The following CSMD1 variants were observed in gnomAD, a reference collection of about 807,000 sequenced individuals.
CSMD1 encodes the protein CUB and Sushi multiple domains 1, also known as CUB and sushi domain-containing protein 1.
A neutral mutation model predicts 417.5 loss-of-function variants in CSMD1; 213 were observed. That is an observed-to-expected ratio of 0.51 (90% confidence interval 0.46 to 0.57). The LOEUF is 0.57. CSMD1 is among the 20% of genes least tolerant of loss of function. The probability of loss-of-function intolerance (pLI) is 0.00; values close to 1 mark genes in which losing one functional copy is unlikely to be tolerated. For synonymous variants in CSMD1, 2,862 were observed against 1,736.8 expected, an observed-to-expected ratio of 1.65 and a Z score of -16.11; for missense variants, 6,923 against 4,529.7, an observed-to-expected ratio of 1.53 and a Z score of -15.17.
intron 40 of CSMD1, among the ~76,000 whole-genome samples, chr8:3,149,947 C>A (rs572344666): frequency 5.3e-5 from 8 of 152,174 alleles, no homozygotes; most frequent in Non-Finnish European, 8.8e-5. Flanking sequence ...CTTAAGAGCG[C>A]TAGTGCTGTG....
At chr8:3,579,823 G>A (rs971381400) in intron 9 of CSMD1, among the ~76,000 whole-genome samples, 1 of 152,174 alleles carries the variant, frequency 6.6e-6, no homozygotes, top group Non-Finnish European at 1.5e-5. Flanking sequence ...ATCACAGCAA[G>A]GCCAGTGTGG....
chr8:4,686,731 T>TG (rs1806409587), intron 1 of CSMD1, among the ~76,000 whole-genome samples: 1 of 152,196 alleles, frequency 6.6e-6, no homozygotes, highest in African/African-American at 2.4e-5. Flanking sequence ...TATTTTGTCA[T>TG]GGGGGCCTCA....
intron 12 of CSMD1, among the ~76,000 whole-genome samples, chr8:3,443,610 T>C (rs1403616387): frequency 6.6e-6 from 1 of 152,188 alleles, no homozygotes; most frequent in Non-Finnish European, 1.5e-5. Context: ...ACCTTCAAAT[T>C]ATACCTACCT....
chr8:3,359,444 C>T (rs1239122153), intron 20 of CSMD1, 104 bp from the exon 21 acceptor site: 2 of 704,730 alleles, frequency 2.8e-6, no homozygotes, highest in Non-Finnish European at 4.5e-6. Context: ...AAAAAAAAAA[C>T]CTACATATAT....
At chr8:4,748,044 T>G (rs1811068853) in intron 1 of CSMD1, among the ~76,000 whole-genome samples, 1 of 152,130 alleles carries the variant, frequency 6.6e-6, no homozygotes, top group Non-Finnish European at 1.5e-5. Context: ...GAAGTAGAAA[T>G]AAAAACAGGG....
chr8:4,375,933 G>C (rs1404289796), intron 3 of CSMD1, among the ~76,000 whole-genome samples: 1 of 152,142 alleles, frequency 6.6e-6, no homozygotes, highest in South Asian at 2.1e-4. Context: ...TCTTAGATGT[G>C]CAGAGAGTTT....
At chr8:4,002,429 A>T (rs753511659) in intron 4 of CSMD1, among the ~76,000 whole-genome samples, 1 of 152,240 alleles carries the variant, frequency 6.6e-6, no homozygotes, top group African/African-American at 2.4e-5. Flanking sequence ...TTTGATGAGC[A>T]AAACATTTTT....
rs750126628 is a variant in CSMD1 at position 4,637,438 on chromosome 8, C to G, written c.206G>C (p.Arg69Thr). ...AAAGGTATGGAAGGACAACTGTATC[C>G]TATTGCGCTCGCCCGTGATGATGAT... ...TWIIITGERN[R>T]IQLSFHTFAL... The change falls in exon 2 of 70, where the codon AGG becomes ACG. Residue 69 changes from arginine to threonine, a missense_variant. Transcript: ENST00000635120. 1.2e-6 allele frequency: 2 copies of G among 1,613,826 alleles called. No homozygotes were observed. The highest frequency in any genetic ancestry group is 1.7e-6 in the Non-Finnish European group (2 of 1,179,868).
At chr8:3,601,178 C>A (rs73491427) in intron 8 of CSMD1, among the ~76,000 whole-genome samples, 4,181 of 152,212 alleles carry the variant, frequency 0.027, 174 homozygotes, top group African/African-American at 0.094. Flanking sequence ...TCATTGTGTC[C>A]GTGGGATTCC....
At chr8:4,622,090 G>A (rs1801813238) in intron 2 of CSMD1, among the ~76,000 whole-genome samples, 1 of 150,314 alleles carries the variant, frequency 6.7e-6, no homozygotes, top group African/African-American at 2.5e-5. Context: ...CTAGGCAGGA[G>A]ACAAAATCTC....
chr8:4,370,450 G>T (rs140928947), intron 3 of CSMD1, among the ~76,000 whole-genome samples: 1 of 152,108 alleles, frequency 6.6e-6, no homozygotes, highest in Non-Finnish European at 1.5e-5. Context: ...ATCTCATGGA[G>T]ATTCTCTGAA....
intron 26 of CSMD1, among the ~76,000 whole-genome samples, 198 bp downstream of exon 26, chr8:3,283,946 G>T (rs1343629840): frequency 6.6e-6 from 1 of 152,244 alleles, no homozygotes; most frequent in East Asian, 1.9e-4. Flanking sequence ...GCTGGCTTCT[G>T]TTATCGTGGC....
chr8:3,313,382 C>T lies in CSMD1; in HGVS notation c.3632-4879G>A, dbSNP rs1357443702. On this transcript the variant is annotated intron_variant, in intron 23 of 69. Coordinates refer to ENST00000635120, the MANE Select transcript of CSMD1 (RefSeq NM_033225.6). ...TGCAATCTACTCATCTGACAAAGGG[C>T]TAATATGCACAATCTACAATGAACT... Among the ~76,000 whole-genome samples, 3 of 151,992 alleles carry T rather than the reference C, an allele frequency of 2.0e-5. No homozygotes were observed. The East Asian group carries it at 5.8e-4, about 29-fold the overall frequency.
chr8:3,781,099 GTTTCAAGAAGCCAAAAACACC>G (rs1214382098), intron 5 of CSMD1, among the ~76,000 whole-genome samples: 1 of 152,120 alleles, frequency 6.6e-6, no homozygotes, highest in Non-Finnish European at 1.5e-5. Flanking sequence ...ACTGCAAACT[GTTTCAAGAAGCCAAAAACACC>G]TTCAGCTTTG....
At chr8:3,107,409 T>C (rs1031765655) in intron 45 of CSMD1, among the ~76,000 whole-genome samples, 1 of 152,122 alleles carries the variant, frequency 6.6e-6, no homozygotes, top group African/African-American at 2.4e-5. Context: ...CAAGTCTGTC[T>C]CTGAATACTT....
chr8:3,350,190 TTGTG>T (rs1808322058), intron 21 of CSMD1, among the ~76,000 whole-genome samples: 1 of 125,660 alleles, frequency 8.0e-6, no homozygotes, highest in African/African-American at 3.1e-5. Context: ...AACCTATAAC[TTGTG>T]TATGTGTGTG....
intron 5 of CSMD1, among the ~76,000 whole-genome samples, chr8:3,995,188 A>C (rs905106072): frequency 2.0e-5 from 3 of 152,150 alleles, no homozygotes; most frequent in Non-Finnish European, 4.4e-5. Flanking sequence ...GGGTACTTCA[A>C]ATTATTCTGT....
chr8:3,446,967 G>C (rs560265149), intron 12 of CSMD1, among the ~76,000 whole-genome samples: 40 of 152,240 alleles, frequency 2.6e-4, no homozygotes, highest in Middle Eastern at 3.4e-3. Context: ...ATAGTGACTT[G>C]TTAACAAAGG....
chr8:3,147,572 T>G (rs1029115980), intron 40 of CSMD1, among the ~76,000 whole-genome samples: 4 of 152,182 alleles, frequency 2.6e-5, no homozygotes, highest in African/African-American at 9.7e-5. Context: ...GAAGCTACAT[T>G]GTAACAGCAC....
Sources: allele counts gnomAD v4.1 joint callset (sites outside exome capture counted in the v4.1 genomes callset), GRCh38; gene constraint gnomAD v4.1.1; transcripts MANE v1.5; gene names NCBI Gene and HGNC (gene_info 2026-07-23, HGNC 2026-07-21).